Variants in RPS15A observed in about 807,000 individuals in gnomAD.
The protein encoded by RPS15A is small ribosomal subunit protein uS8.
For missense variants in RPS15A, 62 were observed against 163.4 expected, an observed-to-expected ratio of 0.38 and a Z score of 3.38; for synonymous variants, 55 against 58.5, an observed-to-expected ratio of 0.94 and a Z score of 0.27.
At chr16:18,784,856 T>C in intron 3 of RPS15A, 33 bp from the exon 4 acceptor site, 1 of 1,521,044 alleles carries the variant, frequency 6.6e-7, no homozygotes, top group Non-Finnish European at 9.0e-7. Context: ...AAAACATTCT[T>C]CACTTTACCA....
At chr16:18,783,424 C>T (rs982644336) in intron 4 of RPS15A, 1 of 362,966 alleles carries the variant, frequency 2.8e-6, no homozygotes, top group Non-Finnish European at 5.2e-6. Flanking sequence ...GGTAAGGAGA[C>T]TTGAAAGTAT....
intron 1 of RPS15A, 37 bp from the exon 2 acceptor site, chr16:18,789,155 AT>A (rs750455998): frequency 1.3e-6 from 2 of 1,584,650 alleles, no homozygotes; most frequent in African/African-American, 2.7e-5. Context: ...TTTTACTGGC[AT>A]TGCCAACATC....
At chr16:18,786,706 A>C (rs955826345) in intron 3 of RPS15A, 1 of 152,048 alleles carries the variant, frequency 6.6e-6, no homozygotes, top group African/African-American at 2.4e-5. Flanking sequence ...GGCTTGAGCT[A>C]GGGAAGCTGC....
chr16:18,788,648 C>A, intron 2 of RPS15A: 1 of 216,994 alleles, frequency 4.6e-6, no homozygotes, highest in Non-Finnish European at 9.2e-6. Flanking sequence ...GCCACCACGA[C>A]CGGCTGATTT....
chr16:18,783,147 C>T, intron 4 of RPS15A, 45 bp from the exon 5 acceptor site: 4 of 1,270,256 alleles, frequency 3.1e-6, no homozygotes, highest in East Asian at 4.6e-5. Flanking sequence ...AATAGTTCAA[C>T]ATAGTGCCTT....
chr16:18,788,754 G>C (rs1040207547), intron 2 of RPS15A: 1 of 483,948 alleles, frequency 2.1e-6, no homozygotes, highest in East Asian at 3.4e-5. Flanking sequence ...CAATGACTTA[G>C]ATTCATTTAG....
chr16:18,786,221 C>T (rs187903641), intron 3 of RPS15A: 53 of 219,088 alleles, frequency 2.4e-4, no homozygotes, highest in Middle Eastern at 1.8e-3. Context: ...AAAAATTAGC[C>T]GGGCATGGTG....
In RPS15A at chr16:18,788,808, C is replaced by G. The variant is rs192422807; in HGVS notation, c.133+173G>C. 5.1e-3 allele frequency: 3,293 copies of G among 646,426 alleles called. 51 individuals are homozygous for G. Among genetic ancestry groups the G allele is most frequent in the South Asian group, 0.032 (1,561 of 49,044 alleles). 40.0% of individuals were successfully genotyped at this position (646,426 alleles called of 1,614,324 possible). A position where few individuals can be genotyped will look rare whatever the true frequency, so the allele number is the denominator to read the frequency against. ...AGCTCCTTTTTCCAGCAGTCCTACTCTAAGTGACTCTTCAGCAGTTTCAGA... is the reference window on the plus strand; with the variant it reads ...AGCTCCTTTTTCCAGCAGTCCTACTGTAAGTGACTCTTCAGCAGTTTCAGA... On this transcript the variant is annotated intron_variant, in intron 2 of 4. Transcript: ENST00000322989.
At position 18,782,585 on chromosome 16, in the gene RPS15A, G is replaced by A. The variant is rs1903982147; in HGVS notation, c.*424C>T. On this transcript the variant is annotated 3_prime_UTR_variant, in exon 5 of 5. Transcript: ENST00000322989. ...TAAAATATAAAAATTAGCCGGATGTGGCGACACACACTTGTAATCCCAGTT... is the reference window on the plus strand; with the variant it reads ...TAAAATATAAAAATTAGCCGGATGTAGCGACACACACTTGTAATCCCAGTT... 6.4e-6 allele frequency: 1 copy of A among 155,124 alleles called. No homozygotes were observed. The highest frequency in any genetic ancestry group is 1.9e-4 in the South Asian group (1 of 5,258). 9.6% of individuals were successfully genotyped at this position (155,124 alleles called of 1,614,324 possible).
At position 18,788,118 on chromosome 16, in the gene RPS15A, A is replaced by G. The variant is rs914985801; in HGVS notation, c.158T>C (p.Ile53Thr). Residue 53 changes from isoleucine (I) to threonine (T), a missense_variant, in exon 3 of 5, where the codon ATT (isoleucine) becomes ACT (threonine). Coordinates refer to ENST00000322989, the MANE Select transcript of RPS15A (RefSeq NM_001019.5). ...KHGYIGEFEI[I>T]DDHRAGKIVV... ...AATTTTCCCAGCTCTGTGGTCATCA[A>G]TGATTTCAAATTCGCCAATGTAACC... 4.3e-6 allele frequency: 7 copies of G among 1,611,996 alleles called. No homozygotes were observed. The Admixed American group carries it at 5.0e-5, about 12-fold the overall frequency.
chr16:18,789,427 C>A (rs1296333332), intron 1 of RPS15A, among the ~76,000 whole-genome samples: 2 of 152,230 alleles, frequency 1.3e-5, no homozygotes, highest in Non-Finnish European at 2.9e-5. Context: ...ATCCACTTGA[C>A]ACAAGACAAC....
chr16:18,782,410 A>T lies in RPS15A; in HGVS notation c.*599T>A, dbSNP rs1318045664. The stretch of plus-strand genomic sequence containing the variant: ...AATCCTAGCCAGGCAAAACAAATTC[A>T]TCAAAAACTAATAGAAAATACTGAA... On this transcript the variant is annotated 3_prime_UTR_variant, in exon 5 of 5. Transcript: ENST00000322989. 2.6e-5 allele frequency: 4 copies of T among 151,744 alleles called. No individual in the cohort carries two copies. The highest frequency in any genetic ancestry group is 6.6e-5 in the Admixed American group (1 of 15,194). 9.4% of individuals were successfully genotyped at this position (151,744 alleles called of 1,614,324 possible).
At chr16:18,783,389 A>T (rs1488494902) in intron 4 of RPS15A, 1 of 416,636 alleles carries the variant, frequency 2.4e-6, no homozygotes. Context: ...ACTCCTTTAA[A>T]TTTAAATGTC....
At position 18,784,763 on chromosome 16, in the gene RPS15A, T is replaced by C; in HGVS notation, c.274A>G (p.Asn92Asp). The change falls in exon 4 of 5, where the codon AAT becomes GAT. Residue 92 changes from asparagine to aspartate, a missense_variant. By Grantham distance (23) the Asn-to-Asp change is conservative. Transcript: ENST00000322989. Reference sequence around the variant, plus strand: ...CCAAACTGGCGGGATGGAAGCAGATTATTCTGCCATTTTTCCAGGTCTTTG... The same window carrying C: ...CCAAACTGGCGGGATGGAAGCAGATCATTCTGCCATTTTTCCAGGTCTTTG... ...QLKDLEKWQN[N>D]LLPSRQFGFI... is the part of the protein sequence containing the mutation. 1 of 1,612,464 alleles carries C rather than the reference T, an allele frequency of 6.2e-7. No homozygotes were observed. Among genetic ancestry groups the C allele is most frequent in the Non-Finnish European group, 8.5e-7 (1 of 1,179,520 alleles).
intron 3 of RPS15A, among the ~76,000 whole-genome samples, chr16:18,787,300 C>A (rs555513190): frequency 8.5e-5 from 13 of 152,314 alleles, no homozygotes; most frequent in African/African-American, 2.4e-4. Context: ...CTAGTTGGGC[C>A]AGTAAGGCCC....
At chr16:18,786,280 G>A (rs1272414788) in intron 3 of RPS15A, 9 of 197,252 alleles carry the variant, frequency 4.6e-5, no homozygotes, top group South Asian at 1.7e-4. Flanking sequence ...CAGGAGAATC[G>A]CTTGAACCTG....
chr16:18,789,225 G>C, intron 1 of RPS15A, 107 bp from the exon 2 acceptor site: 1 of 1,160,778 alleles, frequency 8.6e-7, no homozygotes, highest in Non-Finnish European at 1.2e-6. Context: ...CCACCTTGGC[G>C]AAGTTTTCTC....
In RPS15A at chr16:18,784,632, C is replaced by A. The variant is rs1388453011; in HGVS notation, c.299+106G>T. Reference sequence around the variant, plus strand: ...AAAATGGTTAAGAGTAGACAAATTACCACTGCTTTGTTTTAAACAGAAAAA... The same window carrying A: ...AAAATGGTTAAGAGTAGACAAATTAACACTGCTTTGTTTTAAACAGAAAAA... On this transcript the variant is annotated intron_variant, in intron 4 of 4. Transcript: ENST00000322989. 5 of 795,504 alleles carry A rather than the reference C, an allele frequency of 6.3e-6. No homozygotes were observed. The East Asian group carries it at 1.2e-4, about 20-fold the overall frequency. 49.3% of individuals were successfully genotyped at this position (795,504 alleles called of 1,614,324 possible).
Position 18,782,193 on chromosome 16 carries a change from A to G in RPS15A, c.*816T>C, listed in dbSNP as rs1358525774. 3 of 108,844 alleles carry G rather than the reference A, an allele frequency of 2.8e-5. No individual in the cohort carries two copies. The allele number at this position is 108,844 out of a possible 1,614,324, so 6.7% of individuals were successfully genotyped here. On this transcript the variant is annotated 3_prime_UTR_variant, in exon 5 of 5. Transcript: ENST00000322989. ...ACACCTGTAATCCCAGCTACTCAGG[A>G]GGCTGAGGCACGAGAACTACTTGAA...
Sources: gnomAD v4.1 joint callset for allele counts (sites outside exome capture counted in the v4.1 genomes callset) on GRCh38, gnomAD v4.1.1 for gene constraint, MANE v1.5 for transcripts, NCBI Gene and HGNC (gene_info 2026-07-23, HGNC 2026-07-21) for gene names.